The following SNTG1 variants were observed in gnomAD, a reference collection of about 807,000 sequenced individuals.
The protein encoded by SNTG1 is gamma-1-syntrophin.
In SNTG1, 39 loss-of-function variants were observed where a neutral mutation model predicts 74.7. That is an observed-to-expected ratio of 0.52 (90% CI 0.40 to 0.68). SNTG1 has a LOEUF of 0.68. Ranked by LOEUF, SNTG1 falls within the 30% of genes least tolerant of loss-of-function variation. The pLI is 0.00. For missense variants in SNTG1, 685 were observed against 609.5 expected (o/e 1.12, Z -1.30); for synonymous variants, 254 against 217.1 (o/e 1.17, Z -1.49).
At chr8:50,285,071 G>T (rs550526598) in intron 2 of SNTG1, among the ~76,000 whole-genome samples, 2 of 152,072 alleles carry the variant, frequency 1.3e-5, no homozygotes, top group Admixed American at 6.6e-5. Context: ...AAGTAGATGA[G>T]AAGGTATCTA....
chr8:50,392,384 A>G (rs191613726), intron 2 of SNTG1, among the ~76,000 whole-genome samples: 1 of 152,298 alleles, frequency 6.6e-6, no homozygotes, highest in East Asian at 1.9e-4. Context: ...AAGCCAAAAC[A>G]TCGATTATTC....
At position 49,920,968 on chromosome 8, in the gene SNTG1, C is replaced by A. The variant is rs318860; in HGVS notation, c.-103+8737C>A. ...TGCTCACATATGTAAGTGTGAAATACGCTTCTTTGGAAGGAAAGATGTGAT... is the reference window on the plus strand; with the variant it reads ...TGCTCACATATGTAAGTGTGAAATAAGCTTCTTTGGAAGGAAAGATGTGAT... On this transcript the variant is annotated intron_variant, in intron 1 of 18. Transcript: ENST00000642720. Among the ~76,000 whole-genome samples the A allele has an allele frequency of 2.6e-5, 4 of 152,018 alleles. No homozygotes were observed. In the East Asian group the frequency reaches 7.7e-4, roughly 29 times the overall value.
intron 12 of SNTG1, among the ~76,000 whole-genome samples, chr8:50,568,452 C>T (rs1044175765): frequency 7.9e-5 from 12 of 152,110 alleles, no homozygotes; most frequent in Non-Finnish European, 1.8e-4. Context: ...ACTCCCACCA[C>T]TGGTGTGTGA....
At chr8:50,202,486 A>T (rs1401811822) in intron 2 of SNTG1, among the ~76,000 whole-genome samples, 1 of 152,072 alleles carries the variant, frequency 6.6e-6, no homozygotes, top group Non-Finnish European at 1.5e-5. Flanking sequence ...TCACTTAGCA[A>T]TGTACAGTGT....
intron 1 of SNTG1, among the ~76,000 whole-genome samples, chr8:50,136,649 T>C (rs1563643951): frequency 6.6e-6 from 1 of 152,172 alleles, no homozygotes; most frequent in Non-Finnish European, 1.5e-5. Flanking sequence ...CAATGCCTGC[T>C]ATAACTTCCA....
chr8:50,011,378 C>A (rs1462157111), intron 1 of SNTG1, among the ~76,000 whole-genome samples: 2 of 152,040 alleles, frequency 1.3e-5, no homozygotes, highest in Non-Finnish European at 2.9e-5. Context: ...ATTGTTAGCC[C>A]AATGCAGGGA....
chr8:50,333,139 G>A (rs1001603060), intron 2 of SNTG1, among the ~76,000 whole-genome samples: 4 of 152,164 alleles, frequency 2.6e-5, no homozygotes, highest in African/African-American at 9.7e-5. Flanking sequence ...CAGCCTGCTG[G>A]GCTCAGGTTC....
At chr8:50,086,856 C>T (rs1822933587) in intron 1 of SNTG1, among the ~76,000 whole-genome samples, 2 of 152,138 alleles carry the variant, frequency 1.3e-5, no homozygotes, top group South Asian at 2.1e-4. Context: ...AGAATATCTG[C>T]TTAAAAAGCA....
rs538620640 is a variant in SNTG1, at chr8:49,983,102, A to C, written c.-103+70871A>C. 1.5e-3 allele frequency among the ~76,000 whole-genome samples: 236 copies of C among 152,328 alleles called. 3 individuals are homozygous for C. Among genetic ancestry groups the C allele is most frequent in the African/African-American group, 5.5e-3 (227 of 41,574 alleles). On this transcript the variant is annotated intron_variant, in intron 1 of 18. Transcript: ENST00000642720. ...GAAGAGGGGGATTTATACCACAGTC[A>C]TTTCATGGACCGTAAAACCTCAAGT...
At chr8:50,486,162 G>T (rs2093791953) in intron 8 of SNTG1, among the ~76,000 whole-genome samples, 1 of 151,872 alleles carries the variant, frequency 6.6e-6, no homozygotes, top group Non-Finnish European at 1.5e-5. Context: ...GAACTTTAAA[G>T]TAGTTTTTTC....
At chr8:50,655,642 G>A (rs1448538739) in intron 13 of SNTG1, among the ~76,000 whole-genome samples, 1 of 152,146 alleles carries the variant, frequency 6.6e-6, no homozygotes, top group East Asian at 1.9e-4. Context: ...CTGAGATAAT[G>A]AGATGGTGAA....
At chr8:50,501,718 A>G (rs1304547006) in intron 8 of SNTG1, among the ~76,000 whole-genome samples, 3 of 151,258 alleles carry the variant, frequency 2.0e-5, no homozygotes, top group African/African-American at 7.3e-5. Context: ...TCGGTCTCCC[A>G]AAGTGCTGGG....
At chr8:49,994,173 T>C (rs1813961612) in intron 1 of SNTG1, among the ~76,000 whole-genome samples, 1 of 152,096 alleles carries the variant, frequency 6.6e-6, no homozygotes, top group African/African-American at 2.4e-5. Flanking sequence ...CTTAGTATAA[T>C]TGAGACATGA....
At chr8:50,337,664 T>C (rs929058817) in intron 2 of SNTG1, among the ~76,000 whole-genome samples, 2 of 152,072 alleles carry the variant, frequency 1.3e-5, no homozygotes, top group Admixed American at 1.3e-4. Context: ...AAAGAAAAGC[T>C]GAGATGTATT....
In SNTG1 at chr8:50,121,848, G is replaced by A. The variant is rs1251978462; in HGVS notation, c.-102-50713G>A. 5.6e-5 allele frequency among the ~76,000 whole-genome samples: 8 copies of A among 141,934 alleles called. 2 individuals are homozygous for A. Among genetic ancestry groups the A allele is most frequent in the Admixed American group, 1.4e-4 (2 of 13,794 alleles). 93.1% of individuals were successfully genotyped at this position (141,934 alleles called of 152,430 possible). ...TGCACTCCAGCCTGGGTGAAATAAC[G>A]CAATGTTTAAGCTTGAAACTAAATT... is the stretch of plus-strand genomic sequence containing the variant. On this transcript the variant is annotated intron_variant, in intron 1 of 18. Transcript: ENST00000642720.
chr8:50,120,288 CACT>C (rs1217381519), intron 1 of SNTG1, among the ~76,000 whole-genome samples: 1 of 140,162 alleles, frequency 7.1e-6, no homozygotes, highest in Non-Finnish European at 1.6e-5. Context: ...CTATTACTGT[CACT>C]ACTATCATCA....
At chr8:50,162,806 C>T (rs991038486) in intron 1 of SNTG1, among the ~76,000 whole-genome samples, 2 of 152,108 alleles carry the variant, frequency 1.3e-5, no homozygotes, top group African/African-American at 4.8e-5. Context: ...GCCATCTGCT[C>T]CCACTGCTGT....
intron 1 of SNTG1, among the ~76,000 whole-genome samples, chr8:49,975,724 AAT>A (rs1166638895): frequency 6.6e-6 from 1 of 151,564 alleles, no homozygotes; most frequent in Non-Finnish European, 1.5e-5. Context: ...GTTTTAAAAC[AAT>A]ATGACTGTGT....
chr8:50,209,834 A>G (rs1029685744), intron 2 of SNTG1, among the ~76,000 whole-genome samples: 3 of 152,352 alleles, frequency 2.0e-5, no homozygotes, highest in African/African-American at 7.2e-5. Context: ...AAAGGAACGT[A>G]GCTCCTCACC....
Sources: allele counts gnomAD v4.1 joint callset (sites outside exome capture counted in the v4.1 genomes callset), GRCh38; gene constraint gnomAD v4.1.1; transcripts MANE v1.5; gene names NCBI Gene and HGNC (gene_info 2026-07-23, HGNC 2026-07-21).